MGAT4C: variants seen among roughly 807,000 people sequenced by gnomAD.
MGAT4C encodes alpha-1,3-mannosyl-glycoprotein 4-beta-N-acetylglucosaminyltransferase C.
A neutral mutation model predicts 40.1 loss-of-function variants in MGAT4C; 19 were observed. That is an observed-to-expected ratio of 0.47 (90% CI 0.33 to 0.70). MGAT4C has a LOEUF of 0.70. MGAT4C is among the 30% of genes least tolerant of loss of function. The probability of loss-of-function intolerance (pLI) is 0.02; values close to 1 mark genes in which losing one functional copy is unlikely to be tolerated. For synonymous variants in MGAT4C, 181 were observed against 187.1 expected (o/e 0.97, Z 0.27); for missense variants, 491 against 563.2 (o/e 0.87, Z 1.30).
chr12:86,286,630 G>T (rs1374340974), intron 4 of MGAT4C, among the ~76,000 whole-genome samples: 1 of 152,012 alleles, frequency 6.6e-6, no homozygotes, highest in Non-Finnish European at 1.5e-5. Context: ...GTGCAGGTGT[G>T]CTATATTGGT....
intron 2 of MGAT4C, among the ~76,000 whole-genome samples, chr12:85,999,310 AT>A (rs1887013758): frequency 6.6e-6 from 1 of 152,122 alleles, no homozygotes; most frequent in Admixed American, 6.5e-5. Flanking sequence ...CAGAATACAC[AT>A]TCTTTTCAAA....
At chr12:86,787,336 TGAG>T (rs68085503) in intron 1 of MGAT4C, among the ~76,000 whole-genome samples, 107,811 of 151,666 alleles carry the variant, frequency 0.71, 40,260 homozygotes, top group South Asian at 0.84. Flanking sequence ...TTTTTATGAC[TGAG>T]TAGTATTCAA....
intron 1 of MGAT4C, among the ~76,000 whole-genome samples, chr12:86,216,550 TA>T (rs1950679862): frequency 6.6e-6 from 1 of 152,228 alleles, no homozygotes; most frequent in Admixed American, 6.5e-5. Flanking sequence ...ATTAAAATGA[TA>T]AGAGCTATTT....
At chr12:86,316,258 A>T (rs1195433059) in intron 4 of MGAT4C, among the ~76,000 whole-genome samples, 1 of 152,160 alleles carries the variant, frequency 6.6e-6, no homozygotes. Flanking sequence ...ATGCTTATAC[A>T]CTGTTGGTGG....
rs551581278 is a variant in MGAT4C, at chr12:86,110,902, T to C, written c.-56-61179A>G. Among the ~76,000 whole-genome samples, 12 of 151,882 alleles carry C rather than the reference T, an allele frequency of 7.9e-5. No individual in the cohort carries two copies. In the East Asian group the frequency reaches 2.1e-3, roughly 27 times the overall value. On this transcript the variant is annotated intron_variant, in intron 1 of 4. Transcript: ENST00000611864. ...TATATGTACTACTGTGAATTTGAGC[T>C]ATGCAGACTGCAGTGAGACTATTTT...
chr12:86,073,005 T>G (rs892568005), intron 1 of MGAT4C, among the ~76,000 whole-genome samples: 1 of 152,182 alleles, frequency 6.6e-6, no homozygotes, highest in Non-Finnish European at 1.5e-5. Flanking sequence ...ACAAGTGATA[T>G]GCTTTGGCTG....
intron 2 of MGAT4C, among the ~76,000 whole-genome samples, chr12:86,700,035 A>AATTAGATAGATAGATAG (rs1950327898): frequency 6.8e-6 from 1 of 147,624 alleles, no homozygotes; most frequent in Non-Finnish European, 1.5e-5. Context: ...AATTTAGATA[A>AATTAGATAGATAGATAG]ATAGATAGAT....
intron 1 of MGAT4C, among the ~76,000 whole-genome samples, chr12:86,146,687 T>G (rs1409575459): frequency 6.6e-6 from 1 of 151,894 alleles, no homozygotes; most frequent in Non-Finnish European, 1.5e-5. Context: ...TTTTATAATA[T>G]TATTTTATTT....
chr12:86,001,627 A>G, intron 2 of MGAT4C: 1 of 984,130 alleles, frequency 1.0e-6, no homozygotes, highest in Non-Finnish European at 1.2e-6. Flanking sequence ...TACACTATAC[A>G]GAGGCTGAGT....
intron 1 of MGAT4C, among the ~76,000 whole-genome samples, chr12:86,144,712 A>G (rs1883284983): frequency 6.6e-6 from 1 of 152,158 alleles, no homozygotes; most frequent in South Asian, 2.1e-4. Context: ...CATAATTATC[A>G]TTATAGTAAG....
At chr12:86,429,683 C>T (rs1956995964) in intron 3 of MGAT4C, among the ~76,000 whole-genome samples, 1 of 151,950 alleles carries the variant, frequency 6.6e-6, no homozygotes, top group Admixed American at 6.6e-5. Flanking sequence ...TGGTGTGTTT[C>T]TTATCACTTG....
At chr12:86,431,633 C>T (rs1157649658) in intron 3 of MGAT4C, among the ~76,000 whole-genome samples, 1 of 152,126 alleles carries the variant, frequency 6.6e-6, no homozygotes, top group Non-Finnish European at 1.5e-5. Flanking sequence ...TCTCAGAATG[C>T]TTGTGTTAGC....
At chr12:86,636,372 C>T (rs1963219583) in intron 2 of MGAT4C, among the ~76,000 whole-genome samples, 1 of 151,988 alleles carries the variant, frequency 6.6e-6, no homozygotes, top group Admixed American at 6.6e-5. Flanking sequence ...TATCTTACTA[C>T]TGTGTCAATA....
At chr12:86,374,837 C>T (rs190182716) in intron 3 of MGAT4C, among the ~76,000 whole-genome samples, 13 of 152,176 alleles carry the variant, frequency 8.5e-5, no homozygotes, top group Non-Finnish European at 1.3e-4. Flanking sequence ...AAACTAATTT[C>T]GTAGTTTAGG....
At chr12:86,471,643 ATGT>A (rs1170617051) in intron 2 of MGAT4C, among the ~76,000 whole-genome samples, 1 of 152,078 alleles carries the variant, frequency 6.6e-6, no homozygotes, top group Admixed American at 6.6e-5. Context: ...TAAGTCCGTG[ATGT>A]GAGAAAATTT....
At chr12:86,822,791 A>G (rs965061485) in intron 1 of MGAT4C, among the ~76,000 whole-genome samples, 1 of 151,222 alleles carries the variant, frequency 6.6e-6, no homozygotes, top group Non-Finnish European at 1.5e-5. Context: ...GATGACTTGA[A>G]CAACACTATC....
chr12:86,133,693 C>A (rs1302233060), intron 1 of MGAT4C, among the ~76,000 whole-genome samples: 1 of 152,046 alleles, frequency 6.6e-6, no homozygotes, highest in Non-Finnish European at 1.5e-5. Flanking sequence ...ATCCAAGGAG[C>A]TGCAATTTAC....
intron 2 of MGAT4C, among the ~76,000 whole-genome samples, chr12:86,537,466 G>A (rs1450964192): frequency 6.6e-6 from 1 of 151,492 alleles, no homozygotes; most frequent in Non-Finnish European, 1.5e-5. Flanking sequence ...AGTATTGATA[G>A]TAACTCAGTA....
intron 1 of MGAT4C, among the ~76,000 whole-genome samples, chr12:86,230,845 A>G (rs1797707763): frequency 6.6e-6 from 1 of 151,206 alleles, no homozygotes; most frequent in Admixed American, 6.6e-5. Context: ...TTGACCTTTA[A>G]CAGATGACTA....
Sources: gnomAD v4.1 joint callset for allele counts (sites outside exome capture counted in the v4.1 genomes callset) on GRCh38, gnomAD v4.1.1 for gene constraint, MANE v1.5 for transcripts, NCBI Gene and HGNC (gene_info 2026-07-23, HGNC 2026-07-21) for gene names.